Variants in ZNF805 observed in about 807,000 individuals in gnomAD.
ZNF805 encodes the protein zinc finger protein 805.
ZNF805 carries 7 observed loss-of-function variants against 13.6 expected under a neutral mutation model. The observed-to-expected ratio is 0.51, with a 90% CI of 0.29 to 0.97. The LOEUF (loss-of-function observed/expected upper bound fraction) is 0.97, where lower values mean the gene tolerates loss of function less well. Among genes scored for constraint, ZNF805 ranks in the 50% least tolerant of loss-of-function variants. The probability of loss-of-function intolerance (pLI) is 0.08; values close to 1 mark genes in which losing one functional copy is unlikely to be tolerated. For missense variants in ZNF805, 604 were observed against 771.0 expected (o/e 0.78, Z 2.57); for synonymous variants, 293 against 279.8 (o/e 1.05, Z -0.47).
Position 57,259,368 on chromosome 19 carries a change from G to T in ZNF805, c.*4665G>T, listed in dbSNP as rs918198081. 5.3e-5 allele frequency among the ~76,000 whole-genome samples: 8 copies of T among 150,402 alleles called. No homozygotes were observed. Among genetic ancestry groups the T allele is most frequent in the Non-Finnish European group, 1.2e-4 (8 of 67,662 alleles). On this transcript the variant is annotated 3_prime_UTR_variant, in exon 4 of 4. Transcript: ENST00000414468. Reference sequence around the variant, plus strand: ...TCTATTTTTCCCTTTTTTTCATATTGGTTAATTTCTGTTGACTTTTTTTCA... The same window carrying T: ...TCTATTTTTCCCTTTTTTTCATATTTGTTAATTTCTGTTGACTTTTTTTCA...
At position 57,248,623 on chromosome 19, in the gene ZNF805, C is replaced by T; in HGVS notation, c.176C>T (p.Pro59Leu). The change falls in exon 3 of 4, where the codon CCT (proline) becomes CTT (leucine). Residue 59 changes from proline (P) to leucine (L), a missense_variant. Pro to Leu is a moderately conservative substitution (Grantham distance 98). Around this residue, in one of 3 missense-constraint regions of ZNF805, gnomAD observed 327 missense variants for 378.2 expected, o/e 0.86. Transcript: ENST00000414468. ...LVSLGCPVPR[P>L]ELIYHLEHGQ... is the part of the protein sequence containing the mutation. ...TAAACAGGGTGTCCTGTTCCCAGAC[C>T]TGAGCTGATCTACCACCTAGAGCAT... is the stretch of plus-strand genomic sequence containing the variant. 1.3e-6 allele frequency: 2 copies of T among 1,596,232 alleles called. No individual in the cohort carries two copies. The highest frequency in any genetic ancestry group is 1.7e-6 in the Non-Finnish European group (2 of 1,170,648).
chr19:57,254,520 C>T lies in ZNF805; in HGVS notation c.1701C>T (p.Ile567=). 2 of 1,614,218 alleles carry T rather than the reference C, an allele frequency of 1.2e-6. No homozygotes were observed. The highest frequency in any genetic ancestry group is 1.3e-5 in the African/African-American group (1 of 75,058). The change falls in exon 4 of 4, where the codon ATC becomes ATT. Residue 567 remains isoleucine, a synonymous_variant. Coordinates refer to ENST00000414468, the MANE Select transcript of ZNF805 (RefSeq NM_001023563.4). The part of the protein sequence containing the change: ...HQRMHTGRNP[I]SVTDVGRPFT... ...GGATGCATACTGGGAGAAATCCTATCAGTGTAACAGATGTGGGAAGACCTT... is the reference window on the plus strand; with the variant it reads ...GGATGCATACTGGGAGAAATCCTATTAGTGTAACAGATGTGGGAAGACCTT...
At chr19:57,249,546 C>A (rs972416741) in intron 3 of ZNF805, among the ~76,000 whole-genome samples, 3 of 152,216 alleles carry the variant, frequency 2.0e-5, no homozygotes, top group African/African-American at 7.2e-5. Flanking sequence ...ATGAGTGTTA[C>A]TCATGTCATA....
intron 2 of ZNF805, among the ~76,000 whole-genome samples, chr19:57,244,454 G>A (rs34755276): frequency 0.26 from 38,917 of 151,472 alleles, 6,175 homozygotes; most frequent in Non-Finnish European, 0.35. Context: ...CAGGTGATCC[G>A]CCCGCCTCGG....
Position 57,262,390 on chromosome 19 carries a change from C to A in ZNF805, c.*7687C>A, listed in dbSNP as rs2087730318. The A allele has an allele frequency of 6.1e-6, 1 of 164,698 alleles. No individual in the cohort carries two copies. The allele number at this position is 164,698 out of a possible 1,614,324, so 10.2% of individuals were successfully genotyped here. A position where few individuals can be genotyped will look rare whatever the true frequency, so the allele number is the denominator to read the frequency against. The stretch of plus-strand genomic sequence containing the variant: ...TCAGAGTCACAGTGAAAATACTTAA[C>A]AAACTAGCCAGGATTTAATTCAGTG... On this transcript the variant is annotated 3_prime_UTR_variant, in exon 4 of 4. Transcript: ENST00000414468.
Position 57,259,725 on chromosome 19 carries a change from C to G in ZNF805, c.*5022C>G. On this transcript the variant is annotated 3_prime_UTR_variant, in exon 4 of 4. Transcript: ENST00000414468. The stretch of plus-strand genomic sequence containing the variant: ...GTTTCACTGTGTTAGCCAGGATGGT[C>G]TCGATTTCCTGATCTGGTGATCCAC... Among the ~76,000 whole-genome samples the G allele has an allele frequency of 6.6e-6, 1 of 152,166 alleles. No individual in the cohort carries two copies. The highest frequency in any genetic ancestry group is 1.9e-4 in the East Asian group (1 of 5,200).
Position 57,254,177 on chromosome 19 carries a change from A to G in ZNF805, c.1358A>G (p.Lys453Arg). The change falls in exon 4 of 4, where the codon AAA becomes AGA. Residue 453 changes from lysine to arginine, a missense_variant. This residue lies in a region of ZNF805 where 228 missense variants were observed against 352.8 expected (regional missense o/e 0.65). Coordinates refer to ENST00000414468, the MANE Select transcript of ZNF805 (RefSeq NM_001023563.4). The part of the protein sequence containing the change: ...ILHKRAHTGE[K>R]PFECKECGKA... ...CATAAAAGGGCCCACACTGGAGAAA[A>G]ACCTTTCGAGTGCAAAGAGTGTGGG... 1 of 1,613,706 alleles carries G rather than the reference A, an allele frequency of 6.2e-7. No individual in the cohort carries two copies. Among genetic ancestry groups the G allele is most frequent in the African/African-American group, 1.3e-5 (1 of 74,826 alleles).
rs924308067 is a variant in ZNF805, at chr19:57,258,912, T to C, written c.*4209T>C. On this transcript the variant is annotated 3_prime_UTR_variant, in exon 4 of 4. Transcript: ENST00000414468. ...AGTGTCTTTATGTTCCCTTCATTCC[T>C]GAGGGATATTTTTGTGGGATAATAG... is the stretch of plus-strand genomic sequence containing the variant. Among the ~76,000 whole-genome samples the C allele has an allele frequency of 6.6e-6, 1 of 152,196 alleles. No individual in the cohort carries two copies. The highest frequency in any genetic ancestry group is 1.5e-5 in the Non-Finnish European group (1 of 68,030).
At position 57,253,467 on chromosome 19, in the gene ZNF805, C is replaced by A. The variant is rs775465919; in HGVS notation, c.648C>A (p.Arg216=). The A allele has an allele frequency of 6.3e-7, 1 of 1,593,916 alleles. No individual in the cohort carries two copies. The highest frequency in any genetic ancestry group is 2.3e-5 in the East Asian group (1 of 44,180). ...NECEKVFNKK[R]LLARHERIHS... is the part of the protein sequence containing the mutation. ...GTGAAAAAGTGTTTAACAAGAAACG[C>A]CTGCTTGCTCGGCATGAGAGGATTC... Residue 216 remains arginine, a synonymous_variant, in exon 4 of 4, where the codon CGC becomes CGA. Coordinates refer to ENST00000414468, the MANE Select transcript of ZNF805 (RefSeq NM_001023563.4). This position sits in a 1 kb window ranked among gnomAD's most constrained non-coding sequence, Gnocchi z 4.4.
rs1328528685 is a variant in ZNF805 at position 57,256,058 on chromosome 19, T to C, written c.*1355T>C. Among the ~76,000 whole-genome samples the C allele has an allele frequency of 6.6e-6, 1 of 152,144 alleles. No individual in the cohort carries two copies. Reference sequence around the variant, plus strand: ...TATTAATAAGTGTTGAATTTTGTCATATGCTTTTTCTCCACCAATTGATTT... The same window carrying C: ...TATTAATAAGTGTTGAATTTTGTCACATGCTTTTTCTCCACCAATTGATTT... On this transcript the variant is annotated 3_prime_UTR_variant, in exon 4 of 4. Coordinates refer to ENST00000414468, the MANE Select transcript of ZNF805 (RefSeq NM_001023563.4).
rs1286931220 is a variant in ZNF805 at position 57,254,458 on chromosome 19, G to T, written c.1639G>T (p.Ala547Ser). The change falls in exon 4 of 4, where the codon GCC becomes TCC. Residue 547 changes from alanine to serine, a missense_variant. By Grantham distance (99) the Ala-to-Ser change is moderately conservative (BLOSUM62 1). Around this residue, in one of 3 missense-constraint regions of ZNF805, gnomAD observed 228 missense variants for 352.8 expected, o/e 0.65. Transcript: ENST00000414468. ...GTATGAGTGCAGTGAATGTGGAAAGGCCTTCAGTCGCAGCTCGTCCCTCAC... is the reference window on the plus strand; with the variant it reads ...GTATGAGTGCAGTGAATGTGGAAAGTCCTTCAGTCGCAGCTCGTCCCTCAC... Reference protein sequence around the residue: ...KPYECSECGKAFSRSSSLTQH... With the variant: ...KPYECSECGKSFSRSSSLTQH... The T allele has an allele frequency of 1.9e-6, 3 of 1,614,236 alleles. No homozygotes were observed.
At chr19:57,250,432 A>G (rs1425614638) in intron 3 of ZNF805, among the ~76,000 whole-genome samples, 9 of 152,062 alleles carry the variant, frequency 5.9e-5, no homozygotes, top group Non-Finnish European at 4.4e-5. Flanking sequence ...GAGTTTCACC[A>G]TGTTGGTCAG....
intron 2 of ZNF805, among the ~76,000 whole-genome samples, chr19:57,244,343 T>A (rs1387825035): frequency 6.6e-6 from 1 of 151,770 alleles, no homozygotes; most frequent in African/African-American, 2.4e-5. Flanking sequence ...GCTGGGAAGC[T>A]GGGATTACAG....
rs1302148418 is a variant in ZNF805 at position 57,262,272 on chromosome 19, C to A, written c.*7569C>A. ...TTAAGTTTCTGTAACAAACATTAAG[C>A]AAATAAAATTTTCTATAACAGAAAT... On this transcript the variant is annotated 3_prime_UTR_variant, in exon 4 of 4. Transcript: ENST00000414468. 6.1e-6 allele frequency: 1 copy of A among 162,998 alleles called. No individual in the cohort carries two copies. Among genetic ancestry groups the A allele is most frequent in the Non-Finnish European group, 1.5e-5 (1 of 67,200 alleles). The allele number at this position is 162,998 out of a possible 1,614,324, so 10.1% of individuals were successfully genotyped here. A position where few individuals can be genotyped will look rare whatever the true frequency, so the allele number is the denominator to read the frequency against.
chr19:57,253,215 A>T lies in ZNF805; in HGVS notation c.396A>T (p.Ser132=). The T allele has an allele frequency of 6.4e-7, 1 of 1,560,722 alleles. No homozygotes were observed. ...LGQPKDQDGF[S]EMQGERLRPG... is the part of the protein sequence containing the mutation. ...AACCCAAGGATCAGGATGGGTTTTC[A>T]GAAATGCAGGGAGAACGCTTGAGAC... Residue 132 remains serine (S), a synonymous_variant, in exon 4 of 4, where the codon TCA becomes TCT. Transcript: ENST00000414468. The surrounding 1 kb of genome is among the most constrained non-coding windows in gnomAD (Gnocchi z 4.4).
Position 57,262,383 on chromosome 19 carries a change from T to C in ZNF805, c.*7680T>C, listed in dbSNP as rs532427485. The C allele has an allele frequency of 5.5e-5, 9 of 163,686 alleles. No homozygotes were observed. The South Asian group carries it at 1.9e-3, about 35-fold the overall frequency. 10.1% of individuals were successfully genotyped at this position (163,686 alleles called of 1,614,324 possible). A position where few individuals can be genotyped will look rare whatever the true frequency, so the allele number is the denominator to read the frequency against. Reference sequence around the variant, plus strand: ...AAAAAAGTCAGAGTCACAGTGAAAATACTTAACAAACTAGCCAGGATTTAA... The same window carrying C: ...AAAAAAGTCAGAGTCACAGTGAAAACACTTAACAAACTAGCCAGGATTTAA... On this transcript the variant is annotated 3_prime_UTR_variant, in exon 4 of 4. Coordinates refer to ENST00000414468, the MANE Select transcript of ZNF805 (RefSeq NM_001023563.4).
At chr19:57,241,067 T>C (rs1373765235) in intron 1 of ZNF805, 146 bp downstream of exon 1, 2 of 887,896 alleles carry the variant, frequency 2.3e-6, no homozygotes, top group Non-Finnish European at 1.7e-6. Flanking sequence ...ACTTAGTTTA[T>C]CTCCTGTCGT....
intron 2 of ZNF805, among the ~76,000 whole-genome samples, chr19:57,245,545 C>A (rs563885483): frequency 2.6e-5 from 4 of 151,210 alleles, no homozygotes; most frequent in Non-Finnish European, 5.9e-5. Context: ...TTTGGGAGGC[C>A]GAGATGGGCG....
At position 57,254,183 on chromosome 19, in the gene ZNF805, T is replaced by C. The variant is rs753443656; in HGVS notation, c.1364T>C (p.Phe455Ser). The C allele has an allele frequency of 6.2e-7, 1 of 1,611,172 alleles. No homozygotes were observed. Among genetic ancestry groups the C allele is most frequent in the East Asian group, 2.2e-5 (1 of 44,726 alleles). Reference sequence around the variant, plus strand: ...AGGGCCCACACTGGAGAAAAACCTTTCGAGTGCAAAGAGTGTGGGAAAGCC... The same window carrying C: ...AGGGCCCACACTGGAGAAAAACCTTCCGAGTGCAAAGAGTGTGGGAAAGCC... Reference protein sequence around the residue: ...HKRAHTGEKPFECKECGKAFS... With the variant: ...HKRAHTGEKPSECKECGKAFS... Residue 455 changes from phenylalanine (F) to serine (S), a missense_variant, in exon 4 of 4, where the codon TTC becomes TCC. Transcript: ENST00000414468.
Sources: gnomAD v4.1 joint callset for allele counts (sites outside exome capture counted in the v4.1 genomes callset) on GRCh38, gnomAD v4.1.1 for gene constraint, gnomAD v4.1.1 regional missense constraint, Gnocchi (gnomAD v3.1) non-coding constraint, MANE v1.5 for transcripts, NCBI Gene and HGNC (gene_info 2026-07-23, HGNC 2026-07-21) for gene names.